RBFOX1: variants seen among roughly 807,000 people sequenced by gnomAD.
The protein encoded by RBFOX1 is RNA binding protein fox-1 homolog 1.
Under a neutral mutation model 57.7 loss-of-function variants are expected in RBFOX1, and 8 were observed. That is an observed-to-expected ratio of 0.14 (90% confidence interval 0.08 to 0.25). The LOEUF (loss-of-function observed/expected upper bound fraction) is 0.25, where lower values mean the gene tolerates loss of function less well. RBFOX1 is among the 10% of genes least tolerant of loss of function. The probability of loss-of-function intolerance (pLI) is 1.00; values close to 1 mark genes in which losing one functional copy is unlikely to be tolerated. For synonymous variants in RBFOX1, 326 were observed against 222.4 expected, an observed-to-expected ratio of 1.47 and a Z score of -4.15; for missense variants, 611 against 548.5, an observed-to-expected ratio of 1.11 and a Z score of -1.14.
rs2096581166 is a variant in RBFOX1, at chr16:6,125,251, C to G, written c.-127+105259C>G. Among the ~76,000 whole-genome samples the G allele has an allele frequency of 2.0e-5, 3 of 152,012 alleles. No individual in the cohort carries two copies. In the South Asian group the frequency reaches 6.2e-4, roughly 32 times the overall value. ...CCTACAATTATTACAATGTTTTTTT[C>G]TTATATGAAATTATAAATAATAAGT... On this transcript the variant is annotated intron_variant, in intron 1 of 15. Transcript: ENST00000550418.
At chr16:7,511,509 G>A (rs1347400164) in intron 4 of RBFOX1, among the ~76,000 whole-genome samples, 1 of 152,136 alleles carries the variant, frequency 6.6e-6, no homozygotes, top group East Asian at 1.9e-4. Context: ...CTTATTGCAT[G>A]CATACAAGAG....
chr16:5,997,556 C>T (rs1196111490), intron 4 of RBFOX1, among the ~76,000 whole-genome samples: 1 of 152,194 alleles, frequency 6.6e-6, no homozygotes, highest in East Asian at 1.9e-4. Flanking sequence ...GCTTCAAGAA[C>T]TCCATGAAGA....
Position 6,278,468 on chromosome 16 carries a change from G to C in RBFOX1, c.-126-38527G>C, listed in dbSNP as rs757822144. Among the ~76,000 whole-genome samples, 6 of 143,618 alleles carry C rather than the reference G, an allele frequency of 4.2e-5. No homozygotes were observed. The Admixed American group carries it at 4.4e-4, about 10-fold the overall frequency. The allele number at this position is 143,618 out of a possible 152,430, so 94.2% of individuals were successfully genotyped here. ...AATCGCATGAAGCATAAATCTGTGC[G>C]TCACCTCCTACTTTAATAAATTGCT... On this transcript the variant is annotated intron_variant, in intron 1 of 15. Coordinates refer to ENST00000550418, the MANE Select transcript of RBFOX1 (RefSeq NM_018723.4).
chr16:7,374,262 T>G (rs1412026031), intron 4 of RBFOX1, among the ~76,000 whole-genome samples: 1 of 152,246 alleles, frequency 6.6e-6, no homozygotes, highest in Non-Finnish European at 1.5e-5. Context: ...TATCTTTTTC[T>G]GAGGCTCCGT....
At chr16:5,838,168 A>C (rs1264839952) in intron 3 of RBFOX1, 1 of 157,594 alleles carries the variant, frequency 6.3e-6, no homozygotes, top group Admixed American at 6.5e-5. Context: ...GGAATCATCC[A>C]CTTTGTTCAC....
chr16:6,685,961 A>T (rs2059382637), intron 3 of RBFOX1, among the ~76,000 whole-genome samples: 1 of 152,188 alleles, frequency 6.6e-6, no homozygotes, highest in East Asian at 1.9e-4. Context: ...GTTGATTCCA[A>T]CGTGACAAAA....
intron 4 of RBFOX1, among the ~76,000 whole-genome samples, chr16:7,059,109 C>A (rs1205690792): frequency 6.6e-6 from 1 of 152,168 alleles, no homozygotes; most frequent in African/African-American, 2.4e-5. Context: ...TTGGCTTAAA[C>A]CCATCGCCTT....
chr16:5,558,392 T>A (rs1013863881), intron 2 of RBFOX1, among the ~76,000 whole-genome samples: 1 of 151,982 alleles, frequency 6.6e-6, no homozygotes, highest in African/African-American at 2.4e-5. Flanking sequence ...CACCTACCCA[T>A]CTGCAAGTTC....
chr16:7,056,284 C>T (rs2052233556), intron 4 of RBFOX1, among the ~76,000 whole-genome samples: 1 of 152,186 alleles, frequency 6.6e-6, no homozygotes, highest in South Asian at 2.1e-4. Flanking sequence ...GCACACTACA[C>T]AACAGGGAAA....
chr16:6,556,492 TC>T (rs1191172272), intron 2 of RBFOX1, among the ~76,000 whole-genome samples: 1 of 152,190 alleles, frequency 6.6e-6, no homozygotes, highest in Non-Finnish European at 1.5e-5. Flanking sequence ...TCTCATTTGT[TC>T]CCAGGAAGTC....
At chr16:6,072,458 T>C (rs191657290) in intron 1 of RBFOX1, among the ~76,000 whole-genome samples, 7 of 152,322 alleles carry the variant, frequency 4.6e-5, no homozygotes, top group Non-Finnish European at 8.8e-5. Flanking sequence ...TTTCTTTGTA[T>C]ATGTACCCAG....
At chr16:7,385,919 C>CTTTTTTTTTTAT (rs57254482) in intron 4 of RBFOX1, among the ~76,000 whole-genome samples, 2 of 135,148 alleles carry the variant, frequency 1.5e-5, no homozygotes, top group African/African-American at 2.7e-5. Flanking sequence ...TGCCCAGTTA[C>CTTTTTTTTTTAT]TTATTTATTT....
chr16:6,412,547 T>A (rs2093492873), intron 2 of RBFOX1, among the ~76,000 whole-genome samples: 1 of 152,236 alleles, frequency 6.6e-6, no homozygotes, highest in African/African-American at 2.4e-5. Context: ...CTCTCACCAA[T>A]GTCTTTGAAA....
intron 1 of RBFOX1, among the ~76,000 whole-genome samples, chr16:6,061,739 T>A (rs1357859243): frequency 6.6e-6 from 1 of 152,154 alleles, no homozygotes; most frequent in Non-Finnish European, 1.5e-5. Flanking sequence ...CACTTTACAC[T>A]CACACTCATA....
chr16:5,798,348 G>GT, intron 3 of RBFOX1, among the ~76,000 whole-genome samples: 1 of 152,286 alleles, frequency 6.6e-6, no homozygotes, highest in Non-Finnish European at 1.5e-5. Flanking sequence ...TCCCTATTGT[G>GT]TGCTTGGCAA....
chr16:5,449,382 T>G (rs1457334862), intron 1 of RBFOX1, among the ~76,000 whole-genome samples: 1 of 152,238 alleles, frequency 6.6e-6, no homozygotes, highest in Non-Finnish European at 1.5e-5. Context: ...GAATTGTGCT[T>G]CTTTCCTTCA....
intron 2 of RBFOX1, among the ~76,000 whole-genome samples, chr16:5,478,118 C>T (rs1349710580): frequency 6.6e-6 from 1 of 152,198 alleles, no homozygotes; most frequent in East Asian, 1.9e-4. Context: ...AGCAGCCAAA[C>T]ATTCCCTGAT....
In RBFOX1 at chr16:7,710,812, A is replaced by G. The variant is rs951342830; in HGVS notation, c.*67A>G. The G allele has an allele frequency of 2.3e-5, 32 of 1,372,266 alleles. No homozygotes were observed. Among genetic ancestry groups the G allele is most frequent in the Non-Finnish European group, 2.9e-5 (30 of 1,029,868 alleles). The allele number at this position is 1,372,266 out of a possible 1,614,324, so 85.0% of individuals were successfully genotyped here. A position where few individuals can be genotyped will look rare whatever the true frequency, so the allele number is the denominator to read the frequency against. ...AGCTTTCCGAGGCCTGAGTATTGCA[A>G]TACATGCAGTAGTACATCATTTTAG... On this transcript the variant is annotated 3_prime_UTR_variant, in exon 16 of 16. Transcript: ENST00000550418.
rs571341990 is a variant in RBFOX1 at position 6,583,034 on chromosome 16, C to G, written c.-63-71569C>G. Among the ~76,000 whole-genome samples the G allele has an allele frequency of 1.1e-4, 17 of 151,528 alleles. No individual in the cohort carries two copies. In the South Asian group the frequency reaches 3.2e-3, roughly 28 times the overall value. On this transcript the variant is annotated intron_variant, in intron 2 of 15. Transcript: ENST00000550418. ...CTCTCTTGTCTCTTGCTCGATGTCTCTCTCTCTCTCACCCTTCTCTTTGGT... is the reference window on the plus strand; with the variant it reads ...CTCTCTTGTCTCTTGCTCGATGTCTGTCTCTCTCTCACCCTTCTCTTTGGT...
Sources: gnomAD v4.1 joint callset for allele counts (sites outside exome capture counted in the v4.1 genomes callset) on GRCh38, gnomAD v4.1.1 for gene constraint, MANE v1.5 for transcripts, NCBI Gene and HGNC (gene_info 2026-07-23, HGNC 2026-07-21) for gene names.